The following ZBP1 variants were observed in gnomAD, a reference collection of about 807,000 sequenced individuals.
The protein encoded by ZBP1 is Z-DNA binding protein 1.
A neutral mutation model predicts 41.1 loss-of-function variants in ZBP1; 42 were observed. The ratio of observed to expected loss-of-function variants is 1.02; its 90% CI spans 0.80 to 1.32. ZBP1 has a LOEUF of 1.32. Ranked by LOEUF, ZBP1 falls within the 40% of genes most tolerant of loss-of-function variation. The pLI is 0.00. For synonymous variants in ZBP1, 214 were observed against 205.2 expected (o/e 1.04, Z -0.37); for missense variants, 562 against 549.7 (o/e 1.02, Z -0.22).
At chr20:57,614,852 C>G (rs200486830) in intron 4 of ZBP1, 35 bp downstream of exon 4, 550 of 1,611,312 alleles carry the variant, frequency 3.4e-4, no homozygotes, top group Non-Finnish European at 4.4e-4. Flanking sequence ...CATGGTTTCC[C>G]TCTGCAGCCC....
intron 4 of ZBP1, among the ~76,000 whole-genome samples, chr20:57,614,214 T>C (rs1349212109): frequency 1.3e-5 from 2 of 152,102 alleles, no homozygotes; most frequent in Non-Finnish European, 1.5e-5. Flanking sequence ...TTTGTATTTT[T>C]AGTAGAGACG....
At chr20:57,619,555 GA>G (rs1480598583) in intron 1 of ZBP1, among the ~76,000 whole-genome samples, 1 of 152,190 alleles carries the variant, frequency 6.6e-6, no homozygotes, top group Non-Finnish European at 1.5e-5. Context: ...TTGAGGAAAG[GA>G]TGCAACAAGG....
chr20:57,609,968 C>T (rs934469538), intron 7 of ZBP1, among the ~76,000 whole-genome samples, 181 bp downstream of exon 7: 3 of 152,148 alleles, frequency 2.0e-5, no homozygotes, highest in Non-Finnish European at 4.4e-5. Flanking sequence ...GGTCCCTCCA[C>T]TAGGGGGACG....
rs1216897825 is a variant in ZBP1, at chr20:57,610,261, G to A, written c.981C>T (p.Cys327=). 1 of 1,614,070 alleles carries A rather than the reference G, an allele frequency of 6.2e-7. No individual in the cohort carries two copies. Among genetic ancestry groups the A allele is most frequent in the Non-Finnish European group, 8.5e-7 (1 of 1,180,038 alleles). ...EAAQRIHMKS[C]FLEDATIGNS... is the part of the protein sequence containing the mutation. ...TGCCGATGGTGGCGTCCTCGAGAAA[G>A]CACGATTTCATGTGGATTCTCTGGG... Residue 327 remains cysteine, a synonymous_variant, in exon 7 of 8, where the codon TGC becomes TGT. Coordinates refer to ENST00000371173, the MANE Select transcript of ZBP1 (RefSeq NM_030776.3). This position sits in a 1 kb window ranked among gnomAD's most constrained non-coding sequence, Gnocchi z 5.5.
chr20:57,615,482 C>G, intron 3 of ZBP1, 30 bp downstream of exon 3: 1 of 1,611,116 alleles, frequency 6.2e-7, no homozygotes, highest in Non-Finnish European at 8.5e-7. Context: ...TCCTGTGTCC[C>G]GGGAACTGAA....
At chr20:57,612,837 G>A (rs1219994203) in intron 5 of ZBP1, 12 of 1,066,598 alleles carry the variant, frequency 1.1e-5, no homozygotes, top group South Asian at 5.9e-5. Context: ...GAAAAACACC[G>A]GACCCCATTG....
intron 5 of ZBP1, among the ~76,000 whole-genome samples, chr20:57,612,406 C>G (rs535531771): frequency 6.6e-6 from 1 of 152,136 alleles, no homozygotes; most frequent in Non-Finnish European, 1.5e-5. Flanking sequence ...ATTAAATAAT[C>G]AGACATGGGT....
In ZBP1 at chr20:57,604,305, G is replaced by T. The variant is rs142921547; in HGVS notation, c.*268C>A. On this transcript the variant is annotated 3_prime_UTR_variant, in exon 8 of 8. Transcript: ENST00000371173. ...TGGAGAGAGTCCCCTGGGCCTGGGG[G>T]ACCGAGCCCCACTCCCATCTACCCA... 60 of 612,086 alleles carry T rather than the reference G, an allele frequency of 9.8e-5. No homozygotes were observed. The highest frequency in any genetic ancestry group is 8.3e-4 in the African/African-American group (46 of 55,354). The allele number at this position is 612,086 out of a possible 1,614,324, so 37.9% of individuals were successfully genotyped here. A position where few individuals can be genotyped will look rare whatever the true frequency, so the allele number is the denominator to read the frequency against.
intron 1 of ZBP1, among the ~76,000 whole-genome samples, chr20:57,619,210 A>G (rs991330629): frequency 6.6e-6 from 1 of 152,162 alleles, no homozygotes; most frequent in African/African-American, 2.4e-5. Flanking sequence ...CCTGGGCCAC[A>G]CCCTGACATT....
Position 57,612,053 on chromosome 20 carries a change from ACTTC to A in ZBP1, c.671-127_671-124del. 6 of 1,088,116 alleles carry A rather than the reference ACTTC, an allele frequency of 5.5e-6. 1 individual carries two copies. In the East Asian group the frequency reaches 1.6e-4, roughly 28 times the overall value. 67.4% of individuals were successfully genotyped at this position (1,088,116 alleles called of 1,614,324 possible). On this transcript the variant is annotated intron_variant, in intron 5 of 7. Coordinates refer to ENST00000371173, the MANE Select transcript of ZBP1 (RefSeq NM_030776.3). ...GACACCATCGAACTGGCGGCCAAAG[ACTTC>A]AGGCTCTGGCTTAGAGAGCAAGAGG...
intron 1 of ZBP1, among the ~76,000 whole-genome samples, chr20:57,619,767 G>A (rs891096766): frequency 6.6e-6 from 1 of 152,132 alleles, no homozygotes; most frequent in African/African-American, 2.4e-5. Context: ...GAAATGCTTG[G>A]AAAGCATGTT....
At chr20:57,608,885 A>G (rs556818407) in intron 7 of ZBP1, among the ~76,000 whole-genome samples, 3 of 152,286 alleles carry the variant, frequency 2.0e-5, no homozygotes, top group African/African-American at 7.2e-5. Flanking sequence ...AGATTCCGTG[A>G]ATCCATGTTT....
chr20:57,614,355 G>A (rs1296717446), intron 4 of ZBP1, among the ~76,000 whole-genome samples: 1 of 152,074 alleles, frequency 6.6e-6, no homozygotes, highest in Non-Finnish European at 1.5e-5. Flanking sequence ...CATTATTATT[G>A]TAGTATTCAT....
At chr20:57,615,228 C>A in intron 3 of ZBP1, 168 bp from the exon 4 acceptor site, 2 of 785,470 alleles carry the variant, frequency 2.5e-6, no homozygotes, top group Non-Finnish European at 2.0e-6. Context: ...CAGAGGTGCC[C>A]TGAGGGTGGG....
Position 57,604,549 on chromosome 20 carries a change from C to G in ZBP1, c.*24G>C. The G allele has an allele frequency of 6.2e-7, 1 of 1,608,982 alleles. No individual in the cohort carries two copies. Among genetic ancestry groups the G allele is most frequent in the South Asian group, 1.1e-5 (1 of 90,262 alleles). ...GCATGCGCCCACCCCCAGCCTGTGT[C>G]CAAGCCCCACGTGAGGCTGTGCACT... On this transcript the variant is annotated 3_prime_UTR_variant, in exon 8 of 8. Coordinates refer to ENST00000371173, the MANE Select transcript of ZBP1 (RefSeq NM_030776.3).
intron 1 of ZBP1, chr20:57,618,076 A>G (rs2070890326): frequency 6.6e-6 from 1 of 152,312 alleles, no homozygotes; most frequent in Admixed American, 6.5e-5. Flanking sequence ...CTTAAAAATC[A>G]AAACCATTAG....
chr20:57,615,662 T>C (rs900618806), intron 2 of ZBP1, 82 bp from the exon 3 acceptor site: 1 of 1,266,072 alleles, frequency 7.9e-7, no homozygotes, highest in African/African-American at 1.5e-5. Flanking sequence ...GGCAGCTCCC[T>C]AGGGGTAAGT....
rs2070840783 is a variant in ZBP1, at chr20:57,616,622, G to A, written c.35-154C>T. 3 of 695,430 alleles carry A rather than the reference G, an allele frequency of 4.3e-6. No homozygotes were observed. The East Asian group carries it at 8.1e-5, about 19-fold the overall frequency. 43.1% of individuals were successfully genotyped at this position (695,430 alleles called of 1,614,324 possible). The stretch of plus-strand genomic sequence containing the variant: ...AAGGACCCCAGCAGATGCCCCCTAA[G>A]AGCAGTAGGGCAGCTGCATCTGCCC... On this transcript the variant is annotated intron_variant, in intron 1 of 7. Coordinates refer to ENST00000371173, the MANE Select transcript of ZBP1 (RefSeq NM_030776.3).
intron 7 of ZBP1, chr20:57,607,292 A>G (rs1024060927): frequency 2.3e-6 from 3 of 1,297,664 alleles, no homozygotes; most frequent in Non-Finnish European, 3.0e-6. Context: ...ACTTCAGTGA[A>G]GGCAGCAACT....
Sources: gnomAD v4.1 joint callset for allele counts (sites outside exome capture counted in the v4.1 genomes callset) on GRCh38, gnomAD v4.1.1 for gene constraint, Gnocchi (gnomAD v3.1) non-coding constraint, MANE v1.5 for transcripts, NCBI Gene and HGNC (gene_info 2026-07-23, HGNC 2026-07-21) for gene names.